ZNF442: variants seen among roughly 807,000 people sequenced by gnomAD.
ZNF442 encodes the protein zinc finger protein 442.
Under a neutral mutation model 57.0 loss-of-function variants are expected in ZNF442, and 45 were observed. The observed-to-expected ratio is 0.79, with a 90% CI of 0.62 to 1.01. The LOEUF (loss-of-function observed/expected upper bound fraction) is 1.01, where lower values mean the gene tolerates loss of function less well. Among genes scored for constraint, ZNF442 ranks in the 50% least tolerant of loss-of-function variants. The probability of loss-of-function intolerance (pLI) is 0.00; values close to 1 mark genes in which losing one functional copy is unlikely to be tolerated. For missense variants in ZNF442, 690 were observed against 756.5 expected, an observed-to-expected ratio of 0.91 and a Z score of 1.03; for synonymous variants, 213 against 241.8, an observed-to-expected ratio of 0.88 and a Z score of 1.10.
chr19:12,350,347 G>A lies in ZNF442; in HGVS notation c.1238C>T (p.Ala413Val). The stretch of plus-strand genomic sequence containing the variant: ...TTGAAATACACTGGGATAAATGAAG[G>A]CTTTCCCACATACCTTGCATTTGTG... ...GPHKCKVCGK[A>V]FIYPSVFQGH... The change falls in exon 6 of 6, where the codon GCC (alanine) becomes GTC (valine). Residue 413 changes from alanine (A) to valine (V), a missense_variant. Physicochemically the swap from Ala to Val is moderately conservative, Grantham distance 64 (BLOSUM62 0). Coordinates refer to ENST00000242804, the MANE Select transcript of ZNF442 (RefSeq NM_030824.3). The A allele has an allele frequency of 6.2e-7, 1 of 1,613,898 alleles. No individual in the cohort carries two copies. The highest frequency in any genetic ancestry group is 8.5e-7 in the Non-Finnish European group (1 of 1,180,022).
Position 12,350,701 on chromosome 19 carries a change from C to A in ZNF442, c.884G>T (p.Cys295Phe), listed in dbSNP as rs1320626399. The A allele has an allele frequency of 1.2e-6, 2 of 1,613,798 alleles. No homozygotes were observed. Among genetic ancestry groups the A allele is most frequent in the African/African-American group, 2.7e-5 (2 of 74,792 alleles). The change falls in exon 6 of 6, where the codon TGT (cysteine) becomes TTT (phenylalanine). Residue 295 changes from cysteine to phenylalanine, a missense_variant. Cys to Phe is a radical substitution (Grantham distance 205). Transcript: ENST00000242804. ...RTHTGEKPYK[C>F]KRCGRAFSVS... ...ACTGAAGGCTCTTCCACATCGTTTACATTTATAGGGTTTTTCTCCAGTGTG... is the reference window on the plus strand; with the variant it reads ...ACTGAAGGCTCTTCCACATCGTTTAAATTTATAGGGTTTTTCTCCAGTGTG...
chr19:12,365,407 C>T (rs1216249349), intron 1 of ZNF442, 126 bp downstream of exon 1: 2 of 257,812 alleles, frequency 7.8e-6, no homozygotes, highest in East Asian at 2.0e-4. Context: ...CCGGCTGGGC[C>T]AGGGGAACTC....
chr19:12,351,015 G>A lies in ZNF442; in HGVS notation c.570C>T (p.Phe190=), dbSNP rs116845213. The A allele has an allele frequency of 1.1e-4, 184 of 1,613,972 alleles. No homozygotes were observed. The East Asian group carries it at 3.8e-3, about 33-fold the overall frequency. The change falls in exon 6 of 6, where the codon TTC becomes TTT. Residue 190 remains phenylalanine, a synonymous_variant. Transcript: ENST00000242804. ...GTCTTCGAAGGTTTCCCGAAGAACT[G>A]AAGGTTTTCCCACATTCCTTACAAT... ...RYDCKECGKT[F]SSSGNLRRHI...
rs2144810684 is a variant in ZNF442, at chr19:12,351,087, G to A, written c.498C>T (p.His166=). The part of the protein sequence containing the change: ...KQCGTAFNYH[H]SFQTQERPHT... ...GAGGTCTTTCCTGTGTTTGAAAGGA[G>A]TGGTGATAATTGAAGGCTGTCCCAC... The change falls in exon 6 of 6, where the codon CAC becomes CAT. Residue 166 remains histidine, a synonymous_variant. Coordinates refer to ENST00000242804, the MANE Select transcript of ZNF442 (RefSeq NM_030824.3). The A allele has an allele frequency of 6.2e-7, 1 of 1,614,184 alleles. No individual in the cohort carries two copies. The highest frequency in any genetic ancestry group is 2.2e-5 in the East Asian group (1 of 44,880).
At chr19:12,361,795 A>C (rs1188079273) in intron 3 of ZNF442, among the ~76,000 whole-genome samples, 1 of 149,116 alleles carries the variant, frequency 6.7e-6, no homozygotes, top group Admixed American at 6.8e-5. Context: ...TAGTGCCGCC[A>C]TCTCGGCTCA....
chr19:12,352,155 C>T, intron 4 of ZNF442, 85 bp from the exon 5 acceptor site: 1 of 1,295,526 alleles, frequency 7.7e-7, no homozygotes, highest in Non-Finnish European at 1.1e-6. Flanking sequence ...TGGAATCATG[C>T]ATGATTCATT....
intron 3 of ZNF442, among the ~76,000 whole-genome samples, chr19:12,358,117 A>G (rs988064894): frequency 6.6e-6 from 1 of 151,822 alleles, no homozygotes; most frequent in African/African-American, 2.4e-5. Context: ...ACCCACCACC[A>G]TGCCTGGCTA....
intron 3 of ZNF442, among the ~76,000 whole-genome samples, chr19:12,357,861 C>G (rs1969359330): frequency 6.6e-6 from 1 of 152,138 alleles, no homozygotes; most frequent in Admixed American, 6.5e-5. Flanking sequence ...AACTGCCCAT[C>G]ATCCACCATC....
rs778445987 is a variant in ZNF442, at chr19:12,350,955, T to C, written c.630A>G (p.Ile210Met). ...IIVQRGGGPYICKLCGKAFFW... is the reference protein window; with the variant it reads ...IIVQRGGGPYMCKLCGKAFFW... ...AAAAGGCTTTCCCACACAACTTACA[T>C]ATATAAGGTCCACCTCCACGTTGTA... The change falls in exon 6 of 6, where the codon ATA becomes ATG. Residue 210 changes from isoleucine to methionine, a missense_variant. Coordinates refer to ENST00000242804, the MANE Select transcript of ZNF442 (RefSeq NM_030824.3). 2.4e-5 allele frequency: 38 copies of C among 1,614,206 alleles called. No homozygotes were observed. The highest frequency in any genetic ancestry group is 3.1e-5 in the Non-Finnish European group (36 of 1,180,038).
At chr19:12,361,202 AAAAT>A (rs1409556349) in intron 3 of ZNF442, among the ~76,000 whole-genome samples, 1 of 152,230 alleles carries the variant, frequency 6.6e-6, no homozygotes, top group Non-Finnish European at 1.5e-5. Flanking sequence ...AAAAAAATAA[AAAAT>A]AAATAAAACT....
At position 12,349,629 on chromosome 19, in the gene ZNF442, T is replaced by G; in HGVS notation, c.*72A>C. Reference sequence around the variant, plus strand: ...AGGCTTTACCATGTGTTTGCATTCATGAGGCTTATCTCCTATGTGATTTCT... The same window carrying G: ...AGGCTTTACCATGTGTTTGCATTCAGGAGGCTTATCTCCTATGTGATTTCT... On this transcript the variant is annotated 3_prime_UTR_variant, in exon 6 of 6. Coordinates refer to ENST00000242804, the MANE Select transcript of ZNF442 (RefSeq NM_030824.3). 1.5e-4 allele frequency: 218 copies of G among 1,448,106 alleles called. No individual in the cohort carries two copies. The highest frequency in any genetic ancestry group is 1.9e-4 in the Non-Finnish European group (200 of 1,072,248). The allele number at this position is 1,448,106 out of a possible 1,614,324, so 89.7% of individuals were successfully genotyped here. A position where few individuals can be genotyped will look rare whatever the true frequency, so the allele number is the denominator to read the frequency against.
Position 12,346,399 on chromosome 19 carries a change from T to A in ZNF442, c.*3302A>T, listed in dbSNP as rs1327519540. On this transcript the variant is annotated 3_prime_UTR_variant, in exon 6 of 6. Coordinates refer to ENST00000242804, the MANE Select transcript of ZNF442 (RefSeq NM_030824.3). ...AATCAAAACCACAATGAAAAAGCAGTACAGAACCATTAATTGGCTATTATG... is the reference window on the plus strand; with the variant it reads ...AATCAAAACCACAATGAAAAAGCAGAACAGAACCATTAATTGGCTATTATG... The A allele has an allele frequency of 2.0e-5, 3 of 152,136 alleles. No homozygotes were observed. Among genetic ancestry groups the A allele is most frequent in the Non-Finnish European group, 4.4e-5 (3 of 68,032 alleles). The allele number at this position is 152,136 out of a possible 1,614,324, so 9.4% of individuals were successfully genotyped here. A position where few individuals can be genotyped will look rare whatever the true frequency, so the allele number is the denominator to read the frequency against.
chr19:12,369,766 C>T (rs1440110464), upstream of ZNF442, among the ~76,000 whole-genome samples: 1 of 151,650 alleles, frequency 6.6e-6, no homozygotes, highest in African/African-American at 2.4e-5. Flanking sequence ...ATTAGCTGGG[C>T]GTGGTGGTGC....
rs1969151423 is a variant in ZNF442 at position 12,347,845 on chromosome 19, C to T, written c.*1856G>A. 1 of 152,198 alleles carries T rather than the reference C, an allele frequency of 6.6e-6. No homozygotes were observed. The allele number at this position is 152,198 out of a possible 1,614,324, so 9.4% of individuals were successfully genotyped here. A position where few individuals can be genotyped will look rare whatever the true frequency, so the allele number is the denominator to read the frequency against. The stretch of plus-strand genomic sequence containing the variant: ...ACTGTTGAGCCACCTTCTCATCTCT[C>T]CTTTCCTTAATCTTTCTATCCCAAC... On this transcript the variant is annotated 3_prime_UTR_variant, in exon 6 of 6. Coordinates refer to ENST00000242804, the MANE Select transcript of ZNF442 (RefSeq NM_030824.3).
intron 3 of ZNF442, among the ~76,000 whole-genome samples, chr19:12,361,911 G>A (rs189063435): frequency 1.6e-4 from 25 of 152,276 alleles, no homozygotes; most frequent in African/African-American, 5.8e-4. Context: ...TGGTGGAGAC[G>A]GGGTTTCACC....
In ZNF442 at chr19:12,355,605, C is replaced by T. The variant is rs532083354; in HGVS notation, c.79-2491G>A. On this transcript the variant is annotated intron_variant, in intron 3 of 5. Transcript: ENST00000242804. Reference sequence around the variant, plus strand: ...TGAACTCCTGACCTCGTGATCTGCCCGCCTCAGCCTCCCAAAGTGCTGGGA... The same window carrying T: ...TGAACTCCTGACCTCGTGATCTGCCTGCCTCAGCCTCCCAAAGTGCTGGGA... Among the ~76,000 whole-genome samples, 153 of 150,574 alleles carry T rather than the reference C, an allele frequency of 1.0e-3. 2 individuals carry two copies. The East Asian group carries it at 0.029, about 28-fold the overall frequency.
upstream of ZNF442, among the ~76,000 whole-genome samples, chr19:12,370,843 G>T (rs1335713000): frequency 6.6e-6 from 1 of 150,888 alleles, no homozygotes; most frequent in East Asian, 1.9e-4. Flanking sequence ...TGTGGTGGTG[G>T]GCGCCTGTAA....
Position 12,349,775 on chromosome 19 carries a change from C to A in ZNF442, c.1810G>T (p.Glu604Ter). The A allele has an allele frequency of 6.2e-7, 1 of 1,614,174 alleles. No individual in the cohort carries two copies. The highest frequency in any genetic ancestry group is 8.5e-7 in the Non-Finnish European group (1 of 1,180,028). Reference protein sequence around the residue: ...HTGEKMHECKECGKALSSLSS... With the variant: ...HTGEKMHECK ...AGAGAACTCAGTGCCTTCCCACATT[C>A]CTTACATTCATGCATCTTCTCTCCA... is the stretch of plus-strand genomic sequence containing the variant. Residue 604 changes from glutamate (E) to a stop codon, truncating the protein, a stop_gained, in exon 6 of 6, where the codon GAA becomes TAA. Coordinates refer to ENST00000242804, the MANE Select transcript of ZNF442 (RefSeq NM_030824.3). LOFTEE classifies it high-confidence loss of function.
chr19:12,358,021 G>A (rs1234421426), intron 3 of ZNF442, among the ~76,000 whole-genome samples: 1 of 149,784 alleles, frequency 6.7e-6, no homozygotes, highest in Non-Finnish European at 1.5e-5. Flanking sequence ...GGAGTGCAAT[G>A]GCGCGATCTC....
Sources: allele counts gnomAD v4.1 joint callset (sites outside exome capture counted in the v4.1 genomes callset), GRCh38; gene constraint gnomAD v4.1.1; transcripts MANE v1.5; gene names NCBI Gene and HGNC (gene_info 2026-07-23, HGNC 2026-07-21).